The following HIVEP3 variants were observed in gnomAD, a reference collection of about 807,000 sequenced individuals.
HIVEP3 encodes the protein HIVEP zinc finger 3.
Under a neutral mutation model 152.8 loss-of-function variants are expected in HIVEP3, and 49 were observed. The observed-to-expected ratio is 0.32, with a 90% CI of 0.26 to 0.41. The LOEUF (loss-of-function observed/expected upper bound fraction) is 0.41. Among genes scored for constraint, HIVEP3 ranks in the 10% least tolerant of loss-of-function variants. The pLI is 1.00. For synonymous variants in HIVEP3, 1,269 were observed against 1,289.0 expected, an observed-to-expected ratio of 0.98 and a Z score of 0.33; for missense variants, 2,790 against 3,103.3, an observed-to-expected ratio of 0.90 and a Z score of 2.40.
chr1:41,919,540 A>AGAATCAG (rs1644922889), upstream of HIVEP3, among the ~76,000 whole-genome samples: 1 of 152,238 alleles, frequency 6.6e-6, no homozygotes. Flanking sequence ...TCTTTCAACC[A>AGAATCAG]GAATCAGGAA....
At chr1:41,953,928 A>G (rs1645124348) in intron 1 of HIVEP3, among the ~76,000 whole-genome samples, 1 of 152,240 alleles carries the variant, frequency 6.6e-6, no homozygotes, top group Non-Finnish European at 1.5e-5. Flanking sequence ...CTAACTCTTC[A>G]GAACCCAGAA....
chr1:41,693,865 G>A (rs988868417), intron 2 of HIVEP3, among the ~76,000 whole-genome samples: 5 of 152,100 alleles, frequency 3.3e-5, no homozygotes, highest in African/African-American at 9.7e-5. Context: ...ATAGCTCGTT[G>A]GTTGTCTTTA....
chr1:41,644,259 C>A (rs1645424366), intron 2 of HIVEP3, among the ~76,000 whole-genome samples: 1 of 152,054 alleles, frequency 6.6e-6, no homozygotes, highest in Non-Finnish European at 1.5e-5. Context: ...ACCTATTGTG[C>A]CTGAAGTAGC....
chr1:41,677,886 A>G (rs1645980835), intron 2 of HIVEP3, among the ~76,000 whole-genome samples: 1 of 152,158 alleles, frequency 6.6e-6, no homozygotes. Flanking sequence ...AGCTGCTTCC[A>G]GTCTCCCCTG....
intron 1 of HIVEP3, among the ~76,000 whole-genome samples, chr1:41,899,762 C>G (rs984297830): frequency 3.3e-5 from 5 of 152,184 alleles, no homozygotes; most frequent in Non-Finnish European, 5.9e-5. Flanking sequence ...AATCATTTAA[C>G]TCTCCTAGTA....
intron 1 of HIVEP3, among the ~76,000 whole-genome samples, chr1:41,932,593 A>G (rs987792331): frequency 2.0e-5 from 3 of 151,826 alleles, no homozygotes; most frequent in African/African-American, 7.2e-5. Context: ...CTAGAAGTTC[A>G]CTAATTTTGC....
chr1:41,544,850 CACCACCACCACCACCACCACCACCACT>C (rs1643663931), intron 5 of HIVEP3, among the ~76,000 whole-genome samples: 1 of 41,456 alleles, frequency 2.4e-5, no homozygotes, highest in Non-Finnish European at 4.2e-5. Context: ...CCACTACCAC[CACCACCACCACCACCACCACCACCACT>C]ACCACCTCTA....
chr1:41,524,889 A>C lies in HIVEP3; in HGVS notation c.5229T>G (p.Tyr1743Ter). The C allele has an allele frequency of 6.2e-7, 1 of 1,613,792 alleles. No homozygotes were observed. Among genetic ancestry groups the C allele is most frequent in the Non-Finnish European group, 8.5e-7 (1 of 1,179,884 alleles). ...FEGGYKSNEE[Y>*]VYVRGRGRGK... ...CTCGGCCGCGGCCTCGCACATATAC[A>C]TACTCTTCGTTTGATTTGTACCTAT... The change falls in exon 6 of 9, where the codon TAT (tyrosine) becomes TAG (stop). Residue 1743 changes from tyrosine to a stop codon, truncating the protein, a stop_gained. Coordinates refer to ENST00000372583, the MANE Select transcript of HIVEP3 (RefSeq NM_024503.5). LOFTEE classifies it high-confidence loss of function.
intron 2 of HIVEP3, among the ~76,000 whole-genome samples, chr1:41,678,998 A>G (rs1645998324): frequency 6.6e-6 from 1 of 152,248 alleles, no homozygotes; most frequent in South Asian, 2.1e-4. Context: ...TTCCAGGCAT[A>G]GAGTTTGGTG....
At chr1:41,598,414 C>T (rs1178183933) in intron 3 of HIVEP3, among the ~76,000 whole-genome samples, 1 of 152,100 alleles carries the variant, frequency 6.6e-6, no homozygotes, top group African/African-American at 2.4e-5. Context: ...ATAATATATA[C>T]ACACACACAC....
intron 5 of HIVEP3, among the ~76,000 whole-genome samples, chr1:41,572,603 C>T (rs1644267054): frequency 1.3e-5 from 2 of 152,224 alleles, no homozygotes; most frequent in South Asian, 4.1e-4. Flanking sequence ...ACAGTTAACC[C>T]CCATGGGACA....
At chr1:41,864,111 G>C (rs1643925691) in intron 1 of HIVEP3, among the ~76,000 whole-genome samples, 1 of 152,158 alleles carries the variant, frequency 6.6e-6, no homozygotes, top group African/African-American at 2.4e-5. Context: ...CTCCCCTACA[G>C]ACTCTCTAAA....
chr1:41,696,575 G>C (rs554368238), intron 2 of HIVEP3, among the ~76,000 whole-genome samples: 1 of 152,358 alleles, frequency 6.6e-6, no homozygotes, highest in African/African-American at 2.4e-5. Context: ...ACATCTGAAG[G>C]TCAGATGCCT....
At position 41,582,176 on chromosome 1, in the gene HIVEP3, G is replaced by A. The variant is rs369654084; in HGVS notation, c.2622C>T (p.Pro874=). The change falls in exon 4 of 9, where the codon CCC becomes CCT. Residue 874 remains proline, a synonymous_variant. Transcript: ENST00000372583. This position sits in a 1 kb window ranked among gnomAD's most constrained non-coding sequence, Gnocchi z 4.7. ...CCTCAGTCTTCTCAGGTTCCTTAGG[G>A]GGCGGCTCTGGCTCTGTGTCCGGCC... ...PDRPDTEPEP[P]PKEPEKTEEF... The A allele has an allele frequency of 3.1e-6, 5 of 1,613,936 alleles. No individual in the cohort carries two copies. In the African/African-American group the frequency reaches 6.7e-5, roughly 22 times the overall value.
At chr1:41,610,936 C>T (rs17363834) in intron 3 of HIVEP3, among the ~76,000 whole-genome samples, 65,962 of 151,948 alleles carry the variant, frequency 0.43, 14,925 homozygotes, top group Non-Finnish European at 0.51. Context: ...CTGAACAAGA[C>T]GATGTTGTCA....
chr1:41,900,256 G>A (rs1400299940), intron 1 of HIVEP3, among the ~76,000 whole-genome samples: 1 of 152,138 alleles, frequency 6.6e-6, no homozygotes, highest in East Asian at 1.9e-4. Context: ...CTACAGGGCT[G>A]CTATAAGGAT....
chr1:41,580,872 G>T lies in HIVEP3; in HGVS notation c.3926C>A (p.Ala1309Asp), dbSNP rs751448299. ...PTSAPPLALPACPDTMVSLVV... is the reference protein window; with the variant it reads ...PTSAPPLALPDCPDTMVSLVV... The stretch of plus-strand genomic sequence containing the variant: ...CAGGGACACCATGGTGTCTGGACAG[G>T]CAGGCAGGGCCAGTGGAGGAGCTGA... The change falls in exon 4 of 9, where the codon GCC becomes GAC. Residue 1309 changes from alanine (A) to aspartate (D), a missense_variant. Physicochemically the swap from Ala to Asp is moderately radical, Grantham distance 126. This residue lies in a region of HIVEP3 where 1,078 missense variants were observed against 1,165.3 expected (regional missense o/e 0.93). Coordinates refer to ENST00000372583, the MANE Select transcript of HIVEP3 (RefSeq NM_024503.5). The T allele has an allele frequency of 1.2e-6, 2 of 1,607,140 alleles. No homozygotes were observed. The highest frequency in any genetic ancestry group is 1.7e-6 in the Non-Finnish European group (2 of 1,177,030).
In HIVEP3 at chr1:41,509,144, G is replaced by A. The variant is rs189966015; in HGVS notation, c.*1307C>T. ...TGATTGCTTTGGAGAATTCCAACGA[G>A]TTAGGACAATTCAAAAATCCTCTAG... On this transcript the variant is annotated 3_prime_UTR_variant, in exon 9 of 9. Coordinates refer to ENST00000372583, the MANE Select transcript of HIVEP3 (RefSeq NM_024503.5). 6.6e-6 allele frequency: 1 copy of A among 152,310 alleles called. No homozygotes were observed. Among genetic ancestry groups the A allele is most frequent in the East Asian group, 1.9e-4 (1 of 5,176 alleles). 9.4% of individuals were successfully genotyped at this position (152,310 alleles called of 1,614,324 possible).
intron 3 of HIVEP3, among the ~76,000 whole-genome samples, chr1:41,616,612 T>C (rs1377201678): frequency 1.5e-5 from 2 of 133,500 alleles, no homozygotes; most frequent in Non-Finnish European, 3.2e-5. Flanking sequence ...GTGGGGAAGA[T>C]GGGGAGCCTT....
Sources: gnomAD v4.1 joint callset for allele counts (sites outside exome capture counted in the v4.1 genomes callset) on GRCh38, gnomAD v4.1.1 for gene constraint, gnomAD v4.1.1 regional missense constraint, Gnocchi (gnomAD v3.1) non-coding constraint, MANE v1.5 for transcripts, NCBI Gene and HGNC (gene_info 2026-07-23, HGNC 2026-07-21) for gene names.